SVIL: variants seen among roughly 807,000 people sequenced by gnomAD.
The protein encoded by SVIL is supervillin, also known as archvillin.
Under a neutral mutation model 240.4 loss-of-function variants are expected in SVIL, and 101 were observed. The observed-to-expected ratio is 0.42, with a 90% CI of 0.36 to 0.50. SVIL has a LOEUF of 0.50. SVIL is among the 20% of genes least tolerant of loss of function. The pLI is 0.01. For synonymous variants in SVIL, 999 were observed against 1,100.0 expected (o/e 0.91, Z 1.82); for missense variants, 2,512 against 2,818.7 (o/e 0.89, Z 2.46).
rs1259755515 is a variant in SVIL at position 29,532,163 on chromosome 10, C to T, written c.1848G>A (p.Arg616=). Residue 616 remains arginine (R), a synonymous_variant, in exon 9 of 38, where the codon CGG becomes CGA. Transcript: ENST00000355867. ...CAGGTCCTTCAGCCGACCTCTCCAC[C>T]CGTGATTTGCTTTGAGAATCAAAGG... ...NACRRPELKS[R]VERSAEGPGL... 1.2e-6 allele frequency: 2 copies of T among 1,613,554 alleles called. No homozygotes were observed. Among genetic ancestry groups the T allele is most frequent in the Middle Eastern group, 1.7e-4 (1 of 5,994 alleles).
intron 1 of SVIL, among the ~76,000 whole-genome samples, chr10:29,720,025 G>A (rs1963878994): frequency 6.6e-6 from 1 of 152,164 alleles, no homozygotes; most frequent in Non-Finnish European, 1.5e-5. Flanking sequence ...ATTGCAAATT[G>A]CTTAAAACCA....
intron 18 of SVIL, among the ~76,000 whole-genome samples, chr10:29,498,783 C>A (rs1488795291): frequency 2.0e-5 from 3 of 152,088 alleles, no homozygotes; most frequent in Non-Finnish European, 4.4e-5. Flanking sequence ...GAGTTTGAGA[C>A]CAGCCTGGGC....
At chr10:29,696,637 G>T (rs1022792367) in intron 1 of SVIL, among the ~76,000 whole-genome samples, 1 of 150,458 alleles carries the variant, frequency 6.6e-6, no homozygotes, top group Non-Finnish European at 1.5e-5. Context: ...GCCTCGGCCC[G>T]GCCGCGACCC....
chr10:29,507,524 C>A (rs1349002680), intron 17 of SVIL, among the ~76,000 whole-genome samples: 1 of 151,688 alleles, frequency 6.6e-6, no homozygotes, highest in Non-Finnish European at 1.5e-5. Context: ...CTCTTATAGA[C>A]ACACACACTC....
At chr10:29,654,197 G>C (rs984827834) in intron 3 of SVIL, among the ~76,000 whole-genome samples, 4 of 151,940 alleles carry the variant, frequency 2.6e-5, no homozygotes, top group Non-Finnish European at 4.4e-5. Flanking sequence ...CAGTTATTTA[G>C]GTCTTCTTTA....
chr10:29,525,583 G>C (rs537204029), intron 13 of SVIL, among the ~76,000 whole-genome samples: 1 of 152,152 alleles, frequency 6.6e-6, no homozygotes, highest in Non-Finnish European at 1.5e-5. Context: ...CTGGGCGACA[G>C]AGCAAGACTC....
intron 1 of SVIL, among the ~76,000 whole-genome samples, chr10:29,578,677 A>C (rs1183199565): frequency 6.6e-6 from 1 of 152,214 alleles, no homozygotes; most frequent in Non-Finnish European, 1.5e-5. Context: ...GATTATAAAA[A>C]CTGGAGAGAC....
chr10:29,594,410 T>C (rs1354245581), intron 1 of SVIL, among the ~76,000 whole-genome samples: 1 of 152,148 alleles, frequency 6.6e-6, no homozygotes, highest in African/African-American at 2.4e-5. Flanking sequence ...AATTAAACTG[T>C]GGACTCTGGG....
chr10:29,690,800 C>A (rs1318542867), intron 1 of SVIL, among the ~76,000 whole-genome samples: 1 of 152,166 alleles, frequency 6.6e-6, no homozygotes, highest in Non-Finnish European at 1.5e-5. Context: ...GGTTGTTAAT[C>A]ATTGCTGATT....
intron 17 of SVIL, among the ~76,000 whole-genome samples, chr10:29,509,298 A>AG: frequency 6.9e-6 from 1 of 145,330 alleles, no homozygotes; most frequent in East Asian, 2.3e-4. Flanking sequence ...AAAGAGAAAG[A>AG]GGGGGAGAGA....
rs1177548564 is a variant in SVIL at position 29,532,999 on chromosome 10, T to C, written c.1368A>G (p.Leu456=). ...CTAGCCCATCACCCTCCAAAGCCAGTAGGGTTTTCTTGCTTTGCTCGAGAG... is the reference window on the plus strand; with the variant it reads ...CTAGCCCATCACCCTCCAAAGCCAGCAGGGTTTTCTTGCTTTGCTCGAGAG... ...TEALEQSKKT[L]LALEGDGLVR... Residue 456 remains leucine (L), a synonymous_variant, in exon 8 of 38, where the codon CTA becomes CTG. Coordinates refer to ENST00000355867, the MANE Select transcript of SVIL (RefSeq NM_021738.3). The C allele has an allele frequency of 3.1e-6, 5 of 1,614,124 alleles. No homozygotes were observed. The highest frequency in any genetic ancestry group is 4.2e-6 in the Non-Finnish European group (5 of 1,180,032).
At chr10:29,466,622 C>CAA (rs1249092474) in intron 33 of SVIL, among the ~76,000 whole-genome samples, 3 of 152,138 alleles carry the variant, frequency 2.0e-5, no homozygotes, top group African/African-American at 7.2e-5. Context: ...CCCCAGCTGT[C>CAA]AGAGACTGTC....
intron 17 of SVIL, among the ~76,000 whole-genome samples, chr10:29,510,426 A>G (rs1230634916): frequency 6.6e-6 from 1 of 151,574 alleles, no homozygotes; most frequent in Non-Finnish European, 1.5e-5. Flanking sequence ...GTGTTTTCAC[A>G]GGAGCAATGG....
At chr10:29,672,744 C>A (rs533369142) in intron 2 of SVIL, among the ~76,000 whole-genome samples, 7 of 147,802 alleles carry the variant, frequency 4.7e-5, no homozygotes, top group African/African-American at 1.7e-4. Context: ...CTCTTGGCAC[C>A]CTAAATTATT....
Position 29,703,641 on chromosome 10 carries a change from C to T in SVIL, c.-399-16990G>A, listed in dbSNP as rs528069012. Among the ~76,000 whole-genome samples the T allele has an allele frequency of 7.2e-5, 11 of 152,340 alleles. No individual in the cohort carries two copies. The South Asian group carries it at 1.5e-3, about 20-fold the overall frequency. On this transcript the variant is annotated intron_variant, in intron 1 of 35. Coordinates refer to the SVIL transcript ENST00000375400. ...GGCATCAGAAGGATCCAGACACCAA[C>T]GTCCAGGGGGATTCTCAGGATTGCC...
intron 1 of SVIL, among the ~76,000 whole-genome samples, chr10:29,596,811 A>T (rs1224179185): frequency 6.6e-6 from 1 of 152,226 alleles, no homozygotes. Flanking sequence ...ATCTCGTTTC[A>T]TCTTCACACC....
intron 30 of SVIL, among the ~76,000 whole-genome samples, chr10:29,472,791 T>G (rs1945738578): frequency 6.6e-6 from 1 of 151,766 alleles, no homozygotes; most frequent in African/African-American, 2.4e-5. Context: ...GGCCATGGGG[T>G]TGTAAGGCCA....
At chr10:29,590,991 A>G (rs1268225722) in intron 1 of SVIL, among the ~76,000 whole-genome samples, 1 of 152,256 alleles carries the variant, frequency 6.6e-6, no homozygotes, top group African/African-American at 2.4e-5. Context: ...CAAGAAATTA[A>G]ATGTTAGCAA....
intron 18 of SVIL, among the ~76,000 whole-genome samples, chr10:29,496,840 G>GAAAGA (rs983045367): frequency 1.3e-5 from 2 of 152,196 alleles, no homozygotes; most frequent in African/African-American, 4.8e-5. Flanking sequence ...TAAGGTGGAA[G>GAAAGA]AAAGAAAAGA....
Sources: gnomAD v4.1 joint callset for allele counts (sites outside exome capture counted in the v4.1 genomes callset) on GRCh38, gnomAD v4.1.1 for gene constraint, MANE v1.5 for transcripts, NCBI Gene and HGNC (gene_info 2026-07-23, HGNC 2026-07-21) for gene names.